Variants in PLEKHG4B observed in about 807,000 individuals in gnomAD.
PLEKHG4B encodes pleckstrin homology domain-containing family G member 4B.
A neutral mutation model predicts 121.3 loss-of-function variants in PLEKHG4B; 111 were observed. That is an observed-to-expected ratio of 0.92 (90% confidence interval 0.78 to 1.07). PLEKHG4B has a LOEUF of 1.07. Ranked by LOEUF, PLEKHG4B falls within the 50% of genes least tolerant of loss-of-function variation. The probability of loss-of-function intolerance (pLI) is 0.00; values close to 1 mark genes in which losing one functional copy is unlikely to be tolerated. For synonymous variants in PLEKHG4B, 738 were observed against 725.0 expected (o/e 1.02, Z -0.29); for missense variants, 1,831 against 1,757.8 (o/e 1.04, Z -0.74).
At position 184,018 on chromosome 5, in the gene PLEKHG4B, TA is replaced by T. The variant is rs1023289993; in HGVS notation, c.*1696del. 2.8e-5 allele frequency: 4 copies of T among 145,038 alleles called. No homozygotes were observed. The highest frequency in any genetic ancestry group is 5.1e-5 in the African/African-American group (2 of 39,160). 9.0% of individuals were successfully genotyped at this position (145,038 alleles called of 1,614,324 possible). On this transcript the variant is annotated 3_prime_UTR_variant, in exon 20 of 20. Coordinates refer to ENST00000637938, the MANE Select transcript of PLEKHG4B (RefSeq NM_052909.5). ...ATAGATAGATAGATAGATAGATAGATAGATAGATAGACTGACAGACAGATGA... is the reference window on the plus strand; with the variant it reads ...ATAGATAGATAGATAGATAGATAGATGATAGATAGACTGACAGACAGATGA...
Position 169,410 on chromosome 5 carries a change from G to A in PLEKHG4B, c.3547G>A (p.Val1183Ile), listed in dbSNP as rs143269875. The A allele has an allele frequency of 1.1e-4, 178 of 1,614,036 alleles. No homozygotes were observed. The highest frequency in any genetic ancestry group is 1.5e-4 in the Admixed American group (9 of 60,012). Reference sequence around the variant, plus strand: ...GGAGTACATTCGGTGCTTAGGATACGTCATTGACAACTATTTTCCAGAAAT... The same window carrying A: ...GGAGTACATTCGGTGCTTAGGATACATCATTGACAACTATTTTCCAGAAAT... The part of the protein sequence containing the change: ...EREYIRCLGY[V>I]IDNYFPEMER... Residue 1183 changes from valine to isoleucine, a missense_variant, in exon 14 of 20, where the codon GTC becomes ATC. Transcript: ENST00000637938.
At chr5:173,469 C>G (rs948144336) in intron 17 of PLEKHG4B, among the ~76,000 whole-genome samples, 1 of 151,958 alleles carries the variant, frequency 6.6e-6, no homozygotes, top group Non-Finnish European at 1.5e-5. Flanking sequence ...GAGGGGAGGT[C>G]CCTCCCTTCT....
In PLEKHG4B at chr5:183,983, A is replaced by AGATCGATAGATAGAT. The variant is rs770768423; in HGVS notation, c.*1663_*1664insCGATAGATAGATGAT. 3.6e-5 allele frequency: 3 copies of AGATCGATAGATAGAT among 83,090 alleles called. No individual in the cohort carries two copies. The highest frequency in any genetic ancestry group is 1.7e-4 in the African/African-American group (3 of 17,694). 5.1% of individuals were successfully genotyped at this position (83,090 alleles called of 1,614,324 possible). Reference sequence around the variant, plus strand: ...TATATATACAGACAGATAGATAGATAGATAGATCGATAGATAGATAGATAG... The same window carrying AGATCGATAGATAGAT: ...TATATATACAGACAGATAGATAGATAGATCGATAGATAGATGATAGATCGATAGATAGATAGATAG... On this transcript the variant is annotated 3_prime_UTR_variant, in exon 20 of 20. Transcript: ENST00000637938.
chr5:139,639 G>A lies in PLEKHG4B; in HGVS notation c.400G>A (p.Val134Ile), dbSNP rs1735090128. The A allele has an allele frequency of 2.5e-6, 1 of 398,814 alleles. No individual in the cohort carries two copies. Among genetic ancestry groups the A allele is most frequent in the South Asian group, 1.3e-4 (1 of 7,864 alleles). 24.7% of individuals were successfully genotyped at this position (398,814 alleles called of 1,614,324 possible). A position where few individuals can be genotyped will look rare whatever the true frequency, so the allele number is the denominator to read the frequency against. ...GGCGGGGAAGCAGTCAGCTAGACTG[G>A]TCTTGAAATGCCTGTCCCGGCTGGG... ...TSAGKQSARL[V>I]LKCLSRLGRG... Residue 134 changes from valine (V) to isoleucine (I), a missense_variant, in exon 3 of 20, where the codon GTC (valine) becomes ATC (isoleucine). Val to Ile is a conservative substitution (Grantham distance 29). Coordinates refer to ENST00000637938, the MANE Select transcript of PLEKHG4B (RefSeq NM_052909.5). This position sits in a 1 kb window ranked among gnomAD's most constrained non-coding sequence, Gnocchi z 5.0.
intron 18 of PLEKHG4B, chr5:179,746 C>T (rs1220206411): frequency 3.3e-5 from 5 of 152,532 alleles, no homozygotes; most frequent in African/African-American, 7.2e-5. Flanking sequence ...CTGGAACTCC[C>T]GATTACACGT....
chr5:135,676 AAAAAAAATATATATATATATATATAT>A (rs1286878453), intron 2 of PLEKHG4B, among the ~76,000 whole-genome samples: 1 of 64,116 alleles, frequency 1.6e-5, no homozygotes, highest in Non-Finnish European at 2.9e-5. Flanking sequence ...AAAAAAAAAA[AAAAAAAATATATATATATATATATAT>A]ATATATATAT....
intron 2 of PLEKHG4B, among the ~76,000 whole-genome samples, chr5:118,852 CT>C (rs1387459003): frequency 1.6e-3 from 52 of 33,038 alleles, no homozygotes; most frequent in Middle Eastern, 0.02. Flanking sequence ...TCTCCTCCTC[CT>C]TCTTTTTTTT....
chr5:132,371 G>A (rs932915559), intron 2 of PLEKHG4B, among the ~76,000 whole-genome samples: 1 of 152,136 alleles, frequency 6.6e-6, no homozygotes, highest in African/African-American at 2.4e-5. Flanking sequence ...TATTTCTTTT[G>A]TTGTGCAGAA....
At chr5:131,242 T>C (rs1473259229) in intron 2 of PLEKHG4B, among the ~76,000 whole-genome samples, 1 of 152,156 alleles carries the variant, frequency 6.6e-6, no homozygotes, top group Non-Finnish European at 1.5e-5. Flanking sequence ...GTATTTCTCC[T>C]AATGCTATCC....
Position 187,415 on chromosome 5 carries a change from T to G in PLEKHG4B, c.*5092T>G, listed in dbSNP as rs1254423352. ...TCCTGGATGGCAGCAGCAGTGGAGG[T>G]TTGGGTTTTGAGGGAGCCCTAAGAA... On this transcript the variant is annotated 3_prime_UTR_variant, in exon 20 of 20. Transcript: ENST00000637938. The G allele has an allele frequency of 1.3e-5, 2 of 152,262 alleles. No individual in the cohort carries two copies. Among genetic ancestry groups the G allele is most frequent in the Non-Finnish European group, 2.9e-5 (2 of 68,268 alleles). The allele number at this position is 152,262 out of a possible 1,614,324, so 9.4% of individuals were successfully genotyped here. A position where few individuals can be genotyped will look rare whatever the true frequency, so the allele number is the denominator to read the frequency against.
chr5:170,105 G>A (rs1169070986), intron 14 of PLEKHG4B, among the ~76,000 whole-genome samples: 1 of 152,210 alleles, frequency 6.6e-6, no homozygotes, highest in Non-Finnish European at 1.5e-5. Context: ...GCTTCTCAGT[G>A]ATGAATGTGG....
intron 1 of PLEKHG4B, among the ~76,000 whole-genome samples, chr5:109,410 A>AAAG (rs1237507092): frequency 4.0e-5 from 6 of 151,276 alleles, no homozygotes; most frequent in Non-Finnish European, 8.9e-5. Flanking sequence ...AAAAAAAAAA[A>AAAG]AAAAAAAAAA....
Position 177,374 on chromosome 5 carries a change from G to A in PLEKHG4B, c.4402+3276G>A, listed in dbSNP as rs570263569. 6.6e-5 allele frequency among the ~76,000 whole-genome samples: 10 copies of A among 152,036 alleles called. No individual in the cohort carries two copies. The East Asian group carries it at 7.7e-4, about 12-fold the overall frequency. ...CTAACTTCCACTTTAATTTATTCTC[G>A]GACTCATCATAGGTTATTTAGAAAT... On this transcript the variant is annotated intron_variant, in intron 18 of 19. Transcript: ENST00000637938.
intron 13 of PLEKHG4B, among the ~76,000 whole-genome samples, chr5:166,321 AGCTCACACTAATGCTCTGACGGGGCGGG>A (rs1736334327): frequency 8.6e-5 from 2 of 23,152 alleles, no homozygotes; most frequent in African/African-American, 2.8e-4. Context: ...GACGGGGCGG[AGCTCACACTAATGCTCTGACGGGGCGGG>A]GCTCACACTA....
chr5:109,473 CA>C (rs1217333643), intron 1 of PLEKHG4B, among the ~76,000 whole-genome samples: 12 of 151,438 alleles, frequency 7.9e-5, no homozygotes, highest in Admixed American at 2.0e-4. Context: ...CTCCCATACC[CA>C]CCCCCAGGTG....
intron 2 of PLEKHG4B, among the ~76,000 whole-genome samples, chr5:126,866 G>A (rs151121319): frequency 3.3e-5 from 5 of 152,266 alleles, no homozygotes; most frequent in East Asian, 1.9e-4. Context: ...TCTGGCCTGC[G>A]GCAGAGAGCA....
chr5:140,330 T>A lies in PLEKHG4B; in HGVS notation c.1091T>A (p.Met364Lys). Residue 364 changes from methionine (M) to lysine (K), a missense_variant, in exon 3 of 20, where the codon ATG (methionine) becomes AAG (lysine). Met to Lys is a moderately conservative substitution (Grantham distance 95). Transcript: ENST00000637938. ...TACATGGAAGCCTTGCGGAACCCCATGCCCCTGGGCAGCTCTGAGGAGGCC... is the reference window on the plus strand; with the variant it reads ...TACATGGAAGCCTTGCGGAACCCCAAGCCCCTGGGCAGCTCTGAGGAGGCC... ...ESYMEALRNP[M>K]PLGSSEEALG... The A allele has an allele frequency of 6.6e-7, 1 of 1,525,688 alleles. No homozygotes were observed. Among genetic ancestry groups the A allele is most frequent in the Non-Finnish European group, 8.8e-7 (1 of 1,138,118 alleles). The allele number at this position is 1,525,688 out of a possible 1,614,324, so 94.5% of individuals were successfully genotyped here.
chr5:157,066 G>A lies in PLEKHG4B; in HGVS notation c.2487+155G>A, dbSNP rs931512574. 25 of 1,095,088 alleles carry A rather than the reference G, an allele frequency of 2.3e-5. No homozygotes were observed. The highest frequency in any genetic ancestry group is 3.1e-5 in the Non-Finnish European group (23 of 751,146). The allele number at this position is 1,095,088 out of a possible 1,614,324, so 67.8% of individuals were successfully genotyped here. On this transcript the variant is annotated intron_variant, in intron 11 of 19. Coordinates refer to ENST00000637938, the MANE Select transcript of PLEKHG4B (RefSeq NM_052909.5). The surrounding 1 kb of genome is among the most constrained non-coding windows in gnomAD (Gnocchi z 4.6). ...CAGGATAGGGCATGCCTTGCTGCTT[G>A]TGTAAAAAGAAATAAATTTTATTTT... is the stretch of plus-strand genomic sequence containing the variant.
At chr5:143,553 G>T in intron 5 of PLEKHG4B, 50 bp downstream of exon 5, 1 of 1,595,876 alleles carries the variant, frequency 6.3e-7, no homozygotes, top group Non-Finnish European at 8.6e-7. Context: ...GACCCCAGCT[G>T]CATGTGTGTG....
Sources: allele counts gnomAD v4.1 joint callset (sites outside exome capture counted in the v4.1 genomes callset), GRCh38; gene constraint gnomAD v4.1.1; non-coding constraint Gnocchi (gnomAD v3.1); transcripts MANE v1.5; gene names NCBI Gene and HGNC (gene_info 2026-07-23, HGNC 2026-07-21).